TAF6: variants seen among roughly 807,000 people sequenced by gnomAD.
TAF6 encodes TATA-box binding protein associated factor 6.
In TAF6, 50 loss-of-function variants were observed where a neutral mutation model predicts 73.5. The ratio of observed to expected loss-of-function variants is 0.68; its 90% confidence interval spans 0.54 to 0.86. The LOEUF (loss-of-function observed/expected upper bound fraction) is 0.86. Ranked by LOEUF, TAF6 falls within the 40% of genes least tolerant of loss-of-function variation. The pLI is 0.00. For missense variants in TAF6, 768 were observed against 899.5 expected (o/e 0.85, Z 1.87); for synonymous variants, 424 against 376.7 (o/e 1.13, Z -1.45).
In TAF6 at chr7:100,108,452, A is replaced by AG. The variant is rs1796799465; in HGVS notation, c.1372dup (p.Leu458ProfsTer280). On this transcript the variant is annotated frameshift_variant, in exon 13 of 15. Transcript: ENST00000453269. LOFTEE classifies it high-confidence loss of function. ...AGCCTTGACCACCTGGGAGCAGAGG[A>AG]GGGGCCCAAGGGACCCGAATTCTGC... The AG allele has an allele frequency of 6.2e-7, 1 of 1,613,854 alleles. No homozygotes were observed. The highest frequency in any genetic ancestry group is 1.3e-5 in the African/African-American group (1 of 74,916).
upstream of TAF6, chr7:100,122,742 G>T: frequency 1.3e-6 from 2 of 1,591,880 alleles, no homozygotes; most frequent in Non-Finnish European, 1.7e-6. Flanking sequence ...AGGGAGGGGT[G>T]GGGTGGTGAG....
chr7:100,109,883 C>A, intron 12 of TAF6, 65 bp downstream of exon 12: 3 of 1,594,332 alleles, frequency 1.9e-6, no homozygotes, highest in Non-Finnish European at 2.6e-6. Context: ...ATAAAATATG[C>A]CATATGCTTG....
Position 100,113,852 on chromosome 7 carries a change from T to C in TAF6, c.243+16A>G, listed in dbSNP as rs1347257522. The stretch of plus-strand genomic sequence containing the variant: ...GATGGCGTCTCACCCCCCCCCCGCC[T>C]GTCTCCCCAAATCACCTCGACATTC... On this transcript the variant is annotated intron_variant, in intron 3 of 14. Transcript: ENST00000453269. The C allele has an allele frequency of 2.5e-6, 4 of 1,585,596 alleles. No homozygotes were observed. In the Admixed American group the frequency reaches 5.0e-5, roughly 20 times the overall value.
upstream of TAF6, chr7:100,122,368 C>A (rs369187074): frequency 2.5e-6 from 4 of 1,614,136 alleles, no homozygotes; most frequent in East Asian, 2.2e-5. Flanking sequence ...GGAAGAGACA[C>A]GTGCCTTACA....
Position 100,114,282 on chromosome 7 carries a change from G to A in TAF6, c.-59-14C>T, listed in dbSNP as rs749639771. Reference sequence around the variant, plus strand: ...GAGACGGAGACCCTGGCAGAGGAACGGGGCAGGCAGAAGAAAAAGAAACGT... The same window carrying A: ...GAGACGGAGACCCTGGCAGAGGAACAGGGCAGGCAGAAGAAAAAGAAACGT... On this transcript the variant is annotated splice_polypyrimidine_tract_variant and intron_variant, in intron 1 of 14. Transcript: ENST00000453269. The A allele has an allele frequency of 3.6e-5, 58 of 1,610,156 alleles. 1 individual carries two copies. In the East Asian group the frequency reaches 4.7e-4, roughly 13 times the overall value.
At chr7:100,113,317 C>G in intron 5 of TAF6, 32 bp downstream of exon 5, 1 of 1,546,310 alleles carries the variant, frequency 6.5e-7, no homozygotes, top group Non-Finnish European at 8.7e-7. Flanking sequence ...GAAAGGGACC[C>G]AGAGACCCAG....
At chr7:100,119,480 A>G (rs1211694050), upstream of TAF6, 20 of 1,358,812 alleles carry the variant, frequency 1.5e-5, no homozygotes, top group Non-Finnish European at 1.8e-5. Flanking sequence ...CTACATCTAT[A>G]TATAAGGAGC....
the TAF6 span, among the ~76,000 whole-genome samples, chr7:100,126,240 G>A: frequency 2.0e-5 from 3 of 152,326 alleles, no homozygotes; most frequent in African/African-American, 7.2e-5. Flanking sequence ...TACTCGGGAG[G>A]CTGAGACAGG....
At position 100,108,510 on chromosome 7, in the gene TAF6, G is replaced by A. The variant is rs751770909; in HGVS notation, c.1315C>T (p.Arg439Cys). The A allele has an allele frequency of 8.1e-6, 13 of 1,612,408 alleles. No individual in the cohort carries two copies. The highest frequency in any genetic ancestry group is 1.0e-5 in the Non-Finnish European group (12 of 1,178,844). The change falls in exon 13 of 15, where the codon CGC becomes TGC. Residue 439 changes from arginine to cysteine, a missense_variant. This residue lies in a region of TAF6 where 350 missense variants were observed against 352.3 expected (regional missense o/e 0.99). Transcript: ENST00000453269. ...KHCAPVLAKL[R>C]PPPDNQDAYR... is the part of the protein sequence containing the mutation. ...GCGTCCTGATTGTCAGGCGGTGGGC[G>A]CAGCTTTGCCAGAACAGGAGCACAG...
chr7:100,117,204 C>T (rs894982139), intron 1 of TAF6, among the ~76,000 whole-genome samples: 22 of 150,284 alleles, frequency 1.5e-4, no homozygotes, highest in Non-Finnish European at 3.1e-4. Flanking sequence ...AGAGGTTGTG[C>T]CACTGCACTC....
the TAF6 span, among the ~76,000 whole-genome samples, chr7:100,126,427 C>G: frequency 2.6e-5 from 4 of 152,144 alleles, no homozygotes; most frequent in Non-Finnish European, 5.9e-5. Flanking sequence ...TCGCTAGAAC[C>G]AGGGGTTCAA....
At chr7:100,122,365 A>T, upstream of TAF6, 2 of 1,614,032 alleles carry the variant, frequency 1.2e-6, no homozygotes, top group Non-Finnish European at 1.7e-6. Flanking sequence ...AGAGGAAGAG[A>T]CACGTGCCTT....
chr7:100,118,764 G>T, intron 1 of TAF6: 2 of 725,466 alleles, frequency 2.8e-6, no homozygotes, highest in Non-Finnish European at 3.4e-6. Context: ...GGGCCGTGCT[G>T]GAAGGATGGG....
At chr7:100,109,842 G>A in intron 12 of TAF6, 106 bp downstream of exon 12, 3 of 1,518,652 alleles carry the variant, frequency 2.0e-6, no homozygotes, top group Admixed American at 3.9e-5. Flanking sequence ...AATGTCCTCT[G>A]AAAACATGAG....
Position 100,107,299 on chromosome 7 carries a change from G to C in TAF6, c.1981C>G (p.Pro661Ala). ...TTGGGCTGGGAGCCATTGGCTTTTG[G>C]AGTCCCTGGAGCTGGAGGGGGACTG... The part of the protein sequence containing the change: ...GDSPPPAPGT[P>A]KANGSQPNSG... Residue 661 changes from proline to alanine, a missense_variant, in exon 15 of 15, where the codon CCA becomes GCA. By Grantham distance (27) the Pro-to-Ala change is conservative. This residue lies in a region of TAF6 where 350 missense variants were observed against 352.3 expected (regional missense o/e 0.99). Coordinates refer to ENST00000453269, the MANE Select transcript of TAF6 (RefSeq NM_139315.3). 5.9e-6 allele frequency: 9 copies of C among 1,524,532 alleles called. No individual in the cohort carries two copies. Among genetic ancestry groups the C allele is most frequent in the Non-Finnish European group, 7.9e-6 (9 of 1,138,142 alleles). The allele number at this position is 1,524,532 out of a possible 1,614,324, so 94.4% of individuals were successfully genotyped here.
Position 100,107,141 on chromosome 7 carries a change from G to A in TAF6, c.*105C>T, listed in dbSNP as rs571598431. The A allele has an allele frequency of 2.5e-4, 371 of 1,455,256 alleles. No individual in the cohort carries two copies. The highest frequency in any genetic ancestry group is 3.3e-4 in the Non-Finnish European group (361 of 1,092,892). The allele number at this position is 1,455,256 out of a possible 1,614,324, so 90.1% of individuals were successfully genotyped here. On this transcript the variant is annotated 3_prime_UTR_variant, in exon 15 of 15. Coordinates refer to ENST00000453269, the MANE Select transcript of TAF6 (RefSeq NM_139315.3). Reference sequence around the variant, plus strand: ...ATATCTAAAAAGAAAGTGACATGAAGGAAGCAATCTACAACTTCCTTCCGC... The same window carrying A: ...ATATCTAAAAAGAAAGTGACATGAAAGAAGCAATCTACAACTTCCTTCCGC...
chr7:100,113,912 T>A lies in TAF6; in HGVS notation c.199A>T (p.Thr67Ser), dbSNP rs1410651953. ...AAGGCGTAGTCAATGTCACTGGTGG[T>A]GAGCTTCTGCCGCTTCCCCATGTGC... ...FMHMGKRQKL[T>S]TSDIDYALKL... The change falls in exon 3 of 15, where the codon ACC becomes TCC. Residue 67 changes from threonine to serine, a missense_variant. Around this residue, in one of 5 missense-constraint regions of TAF6, gnomAD observed 269 missense variants for 268.0 expected, o/e 1.00. Coordinates refer to ENST00000453269, the MANE Select transcript of TAF6 (RefSeq NM_139315.3). 1 of 1,613,078 alleles carries A rather than the reference T, an allele frequency of 6.2e-7. No individual in the cohort carries two copies. Among genetic ancestry groups the A allele is most frequent in the South Asian group, 1.1e-5 (1 of 91,050 alleles).
upstream of TAF6, chr7:100,122,049 G>A (rs1210986164): frequency 2.8e-4 from 87 of 314,282 alleles, no homozygotes; most frequent in South Asian, 1.7e-3. Flanking sequence ...GAGTCCGTCT[G>A]AAAAAAAAAA....
chr7:100,121,292 C>T (rs1798061266), upstream of TAF6: 1 of 150,472 alleles, frequency 6.6e-6, no homozygotes, highest in African/African-American at 2.4e-5. Context: ...GCGCCCGCCA[C>T]CATGCCCAGC....
Sources: gnomAD v4.1 joint callset for allele counts (sites outside exome capture counted in the v4.1 genomes callset) on GRCh38, gnomAD v4.1.1 for gene constraint, gnomAD v4.1.1 regional missense constraint, MANE v1.5 for transcripts, NCBI Gene and HGNC (gene_info 2026-07-23, HGNC 2026-07-21) for gene names.